The following TRDN variants were observed in gnomAD, a reference collection of about 807,000 sequenced individuals.
TRDN encodes triadin in skeletal muscle.
Under a neutral mutation model 149.7 loss-of-function variants are expected in TRDN, and 161 were observed. That is an observed-to-expected ratio of 1.08 (90% CI 0.95 to 1.23). TRDN has a LOEUF of 1.23. Among genes scored for constraint, TRDN ranks in the 50% most tolerant of loss-of-function variants. TRDN has a pLI of 0.00. For synonymous variants in TRDN, 294 were observed against 250.5 expected, an observed-to-expected ratio of 1.17 and a Z score of -1.64; for missense variants, 896 against 823.5, an observed-to-expected ratio of 1.09 and a Z score of -1.08.
chr6:123,350,662 ATATAC>A (rs1780428434), intron 21 of TRDN: 1 of 766,304 alleles, frequency 1.3e-6, no homozygotes, highest in African/African-American at 1.9e-5. Flanking sequence ...TTAGTAATAG[ATATAC>A]TATCATAAAA....
At chr6:123,331,794 T>C (rs1282373571) in intron 23 of TRDN, 85 bp downstream of exon 23, 4 of 881,440 alleles carry the variant, frequency 4.5e-6, no homozygotes, top group Admixed American at 3.3e-5. Context: ...AGCCTGAAAA[T>C]GAAATGATTC....
intron 1 of TRDN, among the ~76,000 whole-genome samples, chr6:123,615,205 G>A (rs1030174677): frequency 1.3e-5 from 2 of 152,288 alleles, no homozygotes; most frequent in African/African-American, 4.8e-5. Context: ...TGGTGGGAAT[G>A]TAAATTAGTG....
At chr6:123,457,639 C>T (rs1254219546) in intron 10 of TRDN, 3 of 422,436 alleles carry the variant, frequency 7.1e-6, no homozygotes, top group Non-Finnish European at 1.4e-5. Flanking sequence ...GTTATTAATA[C>T]TTACCTACTT....
intron 2 of TRDN, among the ~76,000 whole-genome samples, chr6:123,556,623 T>G (rs1253749646): frequency 6.6e-6 from 1 of 151,854 alleles, no homozygotes; most frequent in African/African-American, 2.4e-5. Context: ...TTCCTCTTCC[T>G]CCTATTCCTC....
chr6:123,548,021 T>G (rs1781203949), intron 3 of TRDN, among the ~76,000 whole-genome samples: 1 of 152,106 alleles, frequency 6.6e-6, no homozygotes, highest in Admixed American at 6.6e-5. Context: ...TGCTTTCTGC[T>G]ATTTGACTAT....
intron 10 of TRDN, among the ~76,000 whole-genome samples, chr6:123,442,545 C>CAAAAAAAAAAAAAAAAAAAAA (rs1434202710): frequency 2.7e-5 from 1 of 36,432 alleles, no homozygotes; most frequent in Non-Finnish European, 5.8e-5. Context: ...GACTCCGTCT[C>CAAAAAAAAAAAAAAAAAAAAA]AAAAAAAAAA....
chr6:123,484,232 T>C (rs1039359435), intron 9 of TRDN, among the ~76,000 whole-genome samples: 29 of 152,176 alleles, frequency 1.9e-4, no homozygotes, highest in Admixed American at 1.3e-4. Context: ...ATTTTAGGTA[T>C]GGGCATATTT....
intron 38 of TRDN, among the ~76,000 whole-genome samples, chr6:123,232,194 T>C (rs796967947): frequency 7.2e-6 from 1 of 139,850 alleles, no homozygotes; most frequent in African/African-American, 2.7e-5. Context: ...AGCCCAGTAC[T>C]GAGCAAATAG....
chr6:123,627,963 G>C (rs1423919235), intron 1 of TRDN, among the ~76,000 whole-genome samples: 1 of 152,182 alleles, frequency 6.6e-6, no homozygotes, highest in African/African-American at 2.4e-5. Context: ...CCTTGGTCTG[G>C]ATTAGGCTTT....
intron 1 of TRDN, among the ~76,000 whole-genome samples, chr6:123,617,934 G>A (rs948945999): frequency 3.9e-5 from 6 of 151,948 alleles, no homozygotes; most frequent in South Asian, 2.1e-4. Flanking sequence ...GATGGGTTTC[G>A]CCATGTTGGC....
chr6:123,488,776 T>G (rs897949472), intron 9 of TRDN: 13 of 151,720 alleles, frequency 8.6e-5, no homozygotes, highest in Admixed American at 7.9e-4. Context: ...ATTCCCTATC[T>G]ATGTCTGGGA....
intron 1 of TRDN, among the ~76,000 whole-genome samples, chr6:123,621,092 C>T (rs1785358902): frequency 6.6e-6 from 1 of 152,114 alleles, no homozygotes; most frequent in South Asian, 2.1e-4. Context: ...GAGGACATGA[C>T]ATTCAATCAA....
At chr6:123,376,514 C>T (rs945711117) in intron 18 of TRDN, among the ~76,000 whole-genome samples, 1 of 152,058 alleles carries the variant, frequency 6.6e-6, no homozygotes, top group Admixed American at 6.6e-5. Flanking sequence ...ACAATAGGTG[C>T]TCTGGGAATA....
intron 1 of TRDN, among the ~76,000 whole-genome samples, chr6:123,574,869 T>TATATATATATATATATAC (rs1782761624): frequency 8.2e-6 from 1 of 122,420 alleles, no homozygotes; most frequent in East Asian, 2.2e-4. Context: ...TATATATATA[T>TATATATATATATATATAC]ATATATATAT....
intron 10 of TRDN, 60 bp downstream of exon 10, chr6:123,464,846 G>C: frequency 6.5e-7 from 1 of 1,540,050 alleles, no homozygotes; most frequent in Admixed American, 2.1e-5. Context: ...TGTTGTTGCT[G>C]TTCCTCTACA....
At chr6:123,575,553 G>A (rs1562399800) in intron 1 of TRDN, among the ~76,000 whole-genome samples, 1 of 152,042 alleles carries the variant, frequency 6.6e-6, no homozygotes, top group Non-Finnish European at 1.5e-5. Context: ...CAGAATTGGA[G>A]CAGAGCAGCT....
intron 5 of TRDN, among the ~76,000 whole-genome samples, chr6:123,521,132 A>C (rs1182272814): frequency 1.3e-5 from 2 of 152,128 alleles, no homozygotes; most frequent in African/African-American, 4.8e-5. Context: ...AGTTCTAGAC[A>C]AATCAGTGTT....
rs114318286 is a variant in TRDN at position 123,424,573 on chromosome 6, C to T, written c.1051+13490G>A. Among the ~76,000 whole-genome samples the T allele has an allele frequency of 5.3e-3, 802 of 152,030 alleles. 9 individuals carry two copies. The highest frequency in any genetic ancestry group is 0.018 in the African/African-American group (752 of 41,456). ...TTTGAGTGAAGCTAAAATTCAGTTG[C>T]AATAGGAAATTAAATTGTGCATATA... On this transcript the variant is annotated intron_variant, in intron 12 of 40. Transcript: ENST00000334268.
chr6:123,274,682 A>G lies in TRDN; in HGVS notation c.1568-12T>C. On this transcript the variant is annotated splice_polypyrimidine_tract_variant and intron_variant, in intron 26 of 40. Transcript: ENST00000334268. ...TTTAATTTGGGGCTCTGAGGGAGAG[A>G]AAAGGCAGAAAATTTAAAACCTGAA... 6.2e-7 allele frequency: 1 copy of G among 1,604,330 alleles called. No individual in the cohort carries two copies. The highest frequency in any genetic ancestry group is 8.5e-7 in the Non-Finnish European group (1 of 1,175,228).
Sources: allele counts gnomAD v4.1 joint callset (sites outside exome capture counted in the v4.1 genomes callset), GRCh38; gene constraint gnomAD v4.1.1; transcripts MANE v1.5; gene names NCBI Gene and HGNC (gene_info 2026-07-23, HGNC 2026-07-21).